Variants in GBE1 observed in about 807,000 individuals in gnomAD.
The protein encoded by GBE1 is 1,4-alpha-glucan branching enzyme 1.
In GBE1, 70 loss-of-function variants were observed where a neutral mutation model predicts 88.8. The ratio of observed to expected loss-of-function variants is 0.79; its 90% CI spans 0.65 to 0.96. The LOEUF is 0.96. GBE1 is among the 40% of genes least tolerant of loss of function. GBE1 has a pLI of 0.00. For synonymous variants in GBE1, 284 were observed against 300.1 expected (o/e 0.95, Z 0.56); for missense variants, 872 against 871.0 (o/e 1.00, Z -0.01).
chr3:81,626,449 A>T (rs1482258938), intron 7 of GBE1, among the ~76,000 whole-genome samples: 1 of 152,226 alleles, frequency 6.6e-6, no homozygotes, highest in Non-Finnish European at 1.5e-5. Context: ...TTAACTACAG[A>T]TTATAAGTAA....
At chr3:81,596,557 T>C (rs1703959500) in intron 7 of GBE1, among the ~76,000 whole-genome samples, 2 of 151,974 alleles carry the variant, frequency 1.3e-5, no homozygotes, top group African/African-American at 4.8e-5. Context: ...GAATTGTCAG[T>C]TTCTAAGGAT....
chr3:81,566,140 C>A (rs1040250935), intron 12 of GBE1, among the ~76,000 whole-genome samples: 11 of 152,220 alleles, frequency 7.2e-5, no homozygotes, highest in Non-Finnish European at 1.5e-5. Context: ...CCAAAATCCT[C>A]TTGCTATGCT....
At chr3:81,635,912 G>A (rs1214113955) in intron 7 of GBE1, among the ~76,000 whole-genome samples, 3 of 152,192 alleles carry the variant, frequency 2.0e-5, no homozygotes, top group Admixed American at 1.3e-4. Context: ...GAAGGTGAAT[G>A]TTATAGGTGA....
chr3:81,566,469 T>C (rs1322192425), intron 12 of GBE1, among the ~76,000 whole-genome samples: 1 of 152,076 alleles, frequency 6.6e-6, no homozygotes, highest in Admixed American at 6.6e-5. Context: ...CTGACAAAAC[T>C]ACAATCCTTG....
In GBE1 at chr3:81,646,439, G is replaced by A. The variant is rs1704764204; in HGVS notation, c.735C>T (p.Tyr245=). The A allele has an allele frequency of 2.5e-6, 4 of 1,606,256 alleles. No homozygotes were observed. The highest frequency in any genetic ancestry group is 3.4e-6 in the Non-Finnish European group (4 of 1,176,450). The part of the protein sequence containing the change: ...IQLMAIMEHA[Y]YASFGYQITS... ...TGATTTGGTAACCAAAGCTGGCATA[G>A]TAAGCATGCTCCATGATTGCCATCA... Residue 245 remains tyrosine (Y), a synonymous_variant, in exon 6 of 16, where the codon TAC becomes TAT. Transcript: ENST00000429644.
At chr3:81,746,313 A>G (rs868265156) in intron 1 of GBE1, among the ~76,000 whole-genome samples, 31 of 152,054 alleles carry the variant, frequency 2.0e-4, no homozygotes, top group Middle Eastern at 3.4e-3. Context: ...ACCCAGGGGG[A>G]GTGCAGTGGC....
chr3:81,647,928 T>A (rs567961194), intron 5 of GBE1, among the ~76,000 whole-genome samples: 9 of 152,266 alleles, frequency 5.9e-5, no homozygotes, highest in Admixed American at 1.3e-4. Flanking sequence ...CTTGTGCTGC[T>A]GAACGTTCTG....
intron 2 of GBE1, among the ~76,000 whole-genome samples, chr3:81,702,443 C>T (rs1045181361): frequency 6.6e-6 from 1 of 151,872 alleles, no homozygotes; most frequent in Non-Finnish European, 1.5e-5. Context: ...ATCCTTTCTT[C>T]TAAAAAAAGA....
intron 3 of GBE1, among the ~76,000 whole-genome samples, chr3:81,664,777 T>C (rs1211491036): frequency 6.6e-6 from 1 of 152,200 alleles, no homozygotes; most frequent in African/African-American, 2.4e-5. Context: ...TTCATTATTA[T>C]TATCACTTCA....
intron 2 of GBE1, among the ~76,000 whole-genome samples, chr3:81,675,975 G>C (rs1382025657): frequency 6.6e-6 from 1 of 151,900 alleles, no homozygotes; most frequent in African/African-American, 2.4e-5. Context: ...CAAATATAAA[G>C]ATCTTTATGA....
chr3:81,635,595 T>C (rs140106413), intron 7 of GBE1, among the ~76,000 whole-genome samples: 98 of 152,280 alleles, frequency 6.4e-4, no homozygotes, highest in Non-Finnish European at 1.2e-3. Flanking sequence ...AATAGACATG[T>C]TTAAACAAGC....
chr3:81,718,723 G>A (rs540012239), intron 1 of GBE1, among the ~76,000 whole-genome samples: 31 of 151,958 alleles, frequency 2.0e-4, no homozygotes, highest in Middle Eastern at 6.8e-3. Context: ...CGCAACCTCC[G>A]CCTCCTGGGT....
chr3:81,662,749 T>G (rs1705048779), intron 3 of GBE1, among the ~76,000 whole-genome samples: 1 of 152,080 alleles, frequency 6.6e-6, no homozygotes, highest in African/African-American at 2.4e-5. Flanking sequence ...TTCTTCTCAA[T>G]ACATAATTTT....
At chr3:81,526,156 C>A (rs191998947) in intron 14 of GBE1, among the ~76,000 whole-genome samples, 3 of 152,100 alleles carry the variant, frequency 2.0e-5, no homozygotes, top group Admixed American at 6.6e-5. Context: ...CCTGCTTTAT[C>A]TTGTGGGCAT....
intron 3 of GBE1, among the ~76,000 whole-genome samples, chr3:81,651,081 A>T (rs1409189820): frequency 6.6e-6 from 1 of 152,214 alleles, no homozygotes; most frequent in Non-Finnish European, 1.5e-5. Context: ...TGTCCTCATC[A>T]TTGAGGAGAA....
intron 1 of GBE1, among the ~76,000 whole-genome samples, chr3:81,750,673 A>G (rs866486766): frequency 1.4e-5 from 1 of 72,970 alleles, no homozygotes; most frequent in African/African-American, 1.0e-4. Flanking sequence ...ATATATATAT[A>G]CGTATATATA....
chr3:81,647,226 G>C (rs760288100), intron 5 of GBE1, among the ~76,000 whole-genome samples: 1 of 152,062 alleles, frequency 6.6e-6, no homozygotes, highest in Non-Finnish European at 1.5e-5. Flanking sequence ...CCAAAGTGCT[G>C]GGATTACAGG....
intron 3 of GBE1, among the ~76,000 whole-genome samples, chr3:81,664,838 T>C (rs754256530): frequency 2.0e-5 from 3 of 152,172 alleles, no homozygotes; most frequent in Non-Finnish European, 2.9e-5. Flanking sequence ...TGACATAGAA[T>C]TGGCAATCAC....
chr3:81,575,657 G>A (rs921178416), intron 12 of GBE1, among the ~76,000 whole-genome samples: 1 of 152,010 alleles, frequency 6.6e-6, no homozygotes, highest in Non-Finnish European at 1.5e-5. Flanking sequence ...TAAAAGATAA[G>A]TAAACAATCA....
Sources: allele counts gnomAD v4.1 joint callset (sites outside exome capture counted in the v4.1 genomes callset), GRCh38; gene constraint gnomAD v4.1.1; transcripts MANE v1.5; gene names NCBI Gene and HGNC (gene_info 2026-07-23, HGNC 2026-07-21).